KIF26B: variants seen among roughly 807,000 people sequenced by gnomAD.
The protein encoded by KIF26B is kinesin family member 26B.
In KIF26B, 63 loss-of-function variants were observed where a neutral mutation model predicts 151.2. That is an observed-to-expected ratio of 0.42 (90% CI 0.34 to 0.51). The LOEUF is 0.51. Among genes scored for constraint, KIF26B ranks in the 20% least tolerant of loss-of-function variants. KIF26B has a pLI of 0.07. For missense variants in KIF26B, 2,813 were observed against 2,913.6 expected (o/e 0.97, Z 0.79); for synonymous variants, 1,357 against 1,262.1 (o/e 1.08, Z -1.59).
intron 2 of KIF26B, among the ~76,000 whole-genome samples, chr1:245,178,267 C>T (rs566803496): frequency 2.6e-5 from 4 of 152,206 alleles, no homozygotes; most frequent in South Asian, 2.1e-4. Flanking sequence ...CAAGCACAAC[C>T]GTATATCCGA....
chr1:245,659,886 A>AG (rs1373471828), intron 10 of KIF26B, among the ~76,000 whole-genome samples: 3 of 143,936 alleles, frequency 2.1e-5, no homozygotes, highest in African/African-American at 7.7e-5. Context: ...TAAAAATACA[A>AG]GAAAAAAAAA....
intron 4 of KIF26B, among the ~76,000 whole-genome samples, chr1:245,444,488 G>A (rs1368926000): frequency 2.0e-5 from 3 of 152,250 alleles, no homozygotes; most frequent in Admixed American, 6.5e-5. Flanking sequence ...GAAAAGAGCC[G>A]CAAGATTAAC....
chr1:245,503,248 A>G (rs1660658445), intron 4 of KIF26B, among the ~76,000 whole-genome samples: 2 of 152,140 alleles, frequency 1.3e-5, no homozygotes. Context: ...TTTTCTTATA[A>G]GGATAGCTAA....
intron 2 of KIF26B, among the ~76,000 whole-genome samples, chr1:245,363,529 C>G (rs1034746748): frequency 6.6e-6 from 1 of 152,186 alleles, no homozygotes; most frequent in Non-Finnish European, 1.5e-5. Flanking sequence ...TATGACTACC[C>G]TCCCTTAAAG....
At chr1:245,622,820 C>CG (rs758340318) in intron 9 of KIF26B, among the ~76,000 whole-genome samples, 6 of 151,988 alleles carry the variant, frequency 3.9e-5, no homozygotes, top group African/African-American at 7.2e-5. Flanking sequence ...GGGATTGAGG[C>CG]GGGGGGAAGG....
At chr1:245,613,867 G>A (rs1469825750) in intron 9 of KIF26B, among the ~76,000 whole-genome samples, 1 of 152,294 alleles carries the variant, frequency 6.6e-6, no homozygotes, top group East Asian at 1.9e-4. Flanking sequence ...GTCTTTAGAT[G>A]AGTTTTGGCC....
At chr1:245,530,483 A>G (rs1661336981) in intron 4 of KIF26B, among the ~76,000 whole-genome samples, 1 of 152,242 alleles carries the variant, frequency 6.6e-6, no homozygotes, top group Non-Finnish European at 1.5e-5. Context: ...CATATACAGA[A>G]TGGAGTACTC....
chr1:245,246,970 G>C (rs1468526228), intron 2 of KIF26B, among the ~76,000 whole-genome samples: 6 of 146,964 alleles, frequency 4.1e-5, no homozygotes, highest in East Asian at 4.0e-4. Context: ...CACAGACACA[G>C]ACACACACAC....
At chr1:245,251,183 C>T (rs1265391992) in intron 2 of KIF26B, among the ~76,000 whole-genome samples, 1 of 152,116 alleles carries the variant, frequency 6.6e-6, no homozygotes, top group Admixed American at 6.5e-5. Flanking sequence ...ACCCAAATTC[C>T]AGATTCTCAG....
intron 2 of KIF26B, among the ~76,000 whole-genome samples, chr1:245,184,052 T>TTTTTTTTTTTTTTTTTTTTTTTTG (rs1668958429): frequency 9.3e-6 from 1 of 107,728 alleles, no homozygotes; most frequent in Non-Finnish European, 1.9e-5. Context: ...GAGTTGTTGT[T>TTTTTTTTTTTTTTTTTTTTTTTTG]TTTTTTTTTT....
chr1:245,407,225 G>A (rs1430662579), intron 3 of KIF26B, among the ~76,000 whole-genome samples: 1 of 152,140 alleles, frequency 6.6e-6, no homozygotes, highest in African/African-American at 2.4e-5. Flanking sequence ...CCCGGTATGG[G>A]GAAGAACCGG....
At chr1:245,680,635 GT>G (rs1297278632) in intron 10 of KIF26B, among the ~76,000 whole-genome samples, 1 of 152,194 alleles carries the variant, frequency 6.6e-6, no homozygotes, top group East Asian at 1.9e-4. Context: ...GCCGTCAGCT[GT>G]GTGCAGTGGG....
At chr1:245,422,788 G>C (rs1280968343) in intron 4 of KIF26B, among the ~76,000 whole-genome samples, 1 of 152,104 alleles carries the variant, frequency 6.6e-6, no homozygotes, top group East Asian at 1.9e-4. Flanking sequence ...CAAGACACAG[G>C]GGTGGCCTGC....
chr1:245,632,327 T>C (rs1027607007), intron 9 of KIF26B, among the ~76,000 whole-genome samples: 5 of 152,246 alleles, frequency 3.3e-5, no homozygotes, highest in Admixed American at 6.5e-5. Context: ...CATTTATTTG[T>C]ACAGTTTCTA....
chr1:245,478,052 A>C (rs139490911), intron 4 of KIF26B, among the ~76,000 whole-genome samples: 1 of 151,758 alleles, frequency 6.6e-6, no homozygotes, highest in Non-Finnish European at 1.5e-5. Flanking sequence ...GGACTTGCCT[A>C]TTCTGGACAT....
intron 2 of KIF26B, among the ~76,000 whole-genome samples, chr1:245,302,267 A>G (rs879338866): frequency 6.6e-6 from 1 of 152,224 alleles, no homozygotes; most frequent in East Asian, 1.9e-4. Flanking sequence ...AGAAAAATCT[A>G]ATATATATTT....
At chr1:245,600,205 A>AT (rs58481874) in intron 5 of KIF26B, among the ~76,000 whole-genome samples, 2 of 110,900 alleles carry the variant, frequency 1.8e-5, no homozygotes, top group African/African-American at 3.6e-5. Flanking sequence ...TGCCCGGCTA[A>AT]TTTTTTGTAT....
intron 2 of KIF26B, among the ~76,000 whole-genome samples, chr1:245,235,727 C>G (rs1670093065): frequency 6.6e-6 from 1 of 151,942 alleles, no homozygotes; most frequent in Admixed American, 6.6e-5. Flanking sequence ...AGGAAAAGTC[C>G]ACAGAAAACT....
chr1:245,567,450 G>A (rs1436128849), intron 5 of KIF26B, among the ~76,000 whole-genome samples: 1 of 151,988 alleles, frequency 6.6e-6, no homozygotes, highest in Non-Finnish European at 1.5e-5. Flanking sequence ...GTCCCCTTCC[G>A]AGCACCCTTC....
Sources: allele counts gnomAD v4.1 joint callset (sites outside exome capture counted in the v4.1 genomes callset), GRCh38; gene constraint gnomAD v4.1.1; transcripts MANE v1.5; gene names NCBI Gene and HGNC (gene_info 2026-07-23, HGNC 2026-07-21).